The following IL1RAPL1 variants were observed in gnomAD, a reference collection of about 807,000 sequenced individuals.
IL1RAPL1 encodes the protein interleukin-1 receptor accessory protein-like 1.
A neutral mutation model predicts 48.4 loss-of-function variants in IL1RAPL1; 3 were observed. That is an observed-to-expected ratio of 0.06 (90% CI 0.03 to 0.16). The LOEUF is 0.16. Among genes scored for constraint, IL1RAPL1 ranks in the 10% least tolerant of loss-of-function variants. IL1RAPL1 has a pLI of 1.00. For synonymous variants in IL1RAPL1, 185 were observed against 187.7 expected (o/e 0.99, Z 0.12); for missense variants, 349 against 530.6 (o/e 0.66, Z 3.36).
chrX:28,929,219 T>C (rs749059019), intron 2 of IL1RAPL1, among the ~76,000 whole-genome samples: 2 of 112,350 alleles, frequency 1.8e-5, no homozygotes, highest in African/African-American at 6.4e-5. Context: ...CTGTACTGAA[T>C]ACTTAGGCAA....
At chrX:28,600,812 G>T (rs766980872) in intron 1 of IL1RAPL1, among the ~76,000 whole-genome samples, 27 of 111,609 alleles carry the variant, frequency 2.4e-4, no homozygotes, top group Non-Finnish European at 4.9e-4. Flanking sequence ...ATATATCCTA[G>T]AGTTCAATTT....
intron 5 of IL1RAPL1, among the ~76,000 whole-genome samples, chrX:29,457,213 T>C (rs1001303387): frequency 9.4e-6 from 1 of 106,790 alleles, no homozygotes; most frequent in African/African-American, 3.4e-5. Flanking sequence ...GTCCAAAGCA[T>C]GTGTTTCCTT....
chrX:29,505,887 G>A (rs1935321948), intron 5 of IL1RAPL1, among the ~76,000 whole-genome samples: 1 of 111,447 alleles, frequency 9.0e-6, no homozygotes. Context: ...GTCTTTTTAA[G>A]TAATTTTCTA....
intron 2 of IL1RAPL1, among the ~76,000 whole-genome samples, chrX:28,792,943 T>C (rs1936569888): frequency 1.0e-5 from 1 of 99,905 alleles, no homozygotes; most frequent in Non-Finnish European, 2.0e-5. Context: ...ACTTCAGATA[T>C]GTACAATATG....
In IL1RAPL1 at chrX:29,505,996, A is replaced by C. The variant is rs1373449943; in HGVS notation, c.703+106688A>C. Among the ~76,000 whole-genome samples, 3 of 111,973 alleles carry C rather than the reference A, an allele frequency of 2.7e-5. No individual in the cohort carries two copies. In the East Asian group the frequency reaches 8.4e-4, roughly 31 times the overall value. ...GCTCACTGATTCTTTCCTCTACTTG[A>C]TTCATTCTGCTCTTGAGAGCTTCTC... On this transcript the variant is annotated intron_variant, in intron 5 of 10. Coordinates refer to ENST00000378993, the MANE Select transcript of IL1RAPL1 (RefSeq NM_014271.4).
chrX:29,781,850 G>A (rs962165891), intron 6 of IL1RAPL1, among the ~76,000 whole-genome samples: 3 of 111,499 alleles, frequency 2.7e-5, no homozygotes, highest in Non-Finnish European at 5.7e-5. Context: ...TTGGGTCCAC[G>A]TTCTGTTCCA....
intron 2 of IL1RAPL1, among the ~76,000 whole-genome samples, chrX:29,222,847 T>C (rs186306698): frequency 3.1e-3 from 343 of 111,511 alleles, no homozygotes; most frequent in African/African-American, 0.011. Flanking sequence ...AGACCTAGAC[T>C]GAAAATCCAT....
At chrX:29,547,214 C>T (rs1366313716) in intron 5 of IL1RAPL1, among the ~76,000 whole-genome samples, 2 of 111,300 alleles carry the variant, frequency 1.8e-5, no homozygotes, top group Non-Finnish European at 3.8e-5. Context: ...TATATTTGTG[C>T]AGCTTTTAGC....
At chrX:29,406,202 A>T (rs980143187) in intron 5 of IL1RAPL1, among the ~76,000 whole-genome samples, 3 of 111,226 alleles carry the variant, frequency 2.7e-5, no homozygotes, top group Non-Finnish European at 3.8e-5. Flanking sequence ...ATCCTGGCTA[A>T]CATGGTGGAA....
chrX:29,201,321 AT>A (rs1440889815), intron 2 of IL1RAPL1, among the ~76,000 whole-genome samples: 3 of 111,734 alleles, frequency 2.7e-5, no homozygotes, highest in Non-Finnish European at 5.6e-5. Context: ...TTGAAATTAT[AT>A]TTTTTAAATT....
At chrX:29,735,855 T>C (rs990984232) in intron 6 of IL1RAPL1, among the ~76,000 whole-genome samples, 1 of 112,430 alleles carries the variant, frequency 8.9e-6, no homozygotes, top group African/African-American at 3.2e-5. Flanking sequence ...TTTCCCCCAA[T>C]GGAAAATCAG....
chrX:28,668,403 C>T (rs1320443864), intron 1 of IL1RAPL1, among the ~76,000 whole-genome samples: 1 of 111,892 alleles, frequency 8.9e-6, no homozygotes, highest in Non-Finnish European at 1.9e-5. Context: ...GTATTACAGG[C>T]ACACACCACC....
At chrX:29,570,539 T>C (rs183679496) in intron 5 of IL1RAPL1, among the ~76,000 whole-genome samples, 4 of 112,466 alleles carry the variant, frequency 3.6e-5, no homozygotes, top group Middle Eastern at 4.6e-3. Context: ...ATACCTTTTA[T>C]TGTAGCCTTA....
At chrX:29,410,907 A>C (rs1452534214) in intron 5 of IL1RAPL1, among the ~76,000 whole-genome samples, 1 of 111,273 alleles carries the variant, frequency 9.0e-6, no homozygotes, top group Non-Finnish European at 1.9e-5. Context: ...TTCTTTTGAC[A>C]CCTCCCATTT....
intron 5 of IL1RAPL1, among the ~76,000 whole-genome samples, chrX:29,454,791 G>A (rs1934719765): frequency 1.8e-5 from 2 of 109,274 alleles, no homozygotes; most frequent in South Asian, 3.9e-4. Context: ...CATGAAGCTC[G>A]CCTGTCTTCC....
At chrX:29,615,342 G>A (rs1602327564) in intron 5 of IL1RAPL1, among the ~76,000 whole-genome samples, 1 of 110,440 alleles carries the variant, frequency 9.1e-6, no homozygotes, top group East Asian at 2.8e-4. Context: ...AATATCCATT[G>A]CTTGTGAATC....
At chrX:29,100,371 G>A (rs1199901726) in intron 2 of IL1RAPL1, among the ~76,000 whole-genome samples, 5 of 111,621 alleles carry the variant, frequency 4.5e-5, no homozygotes, top group Admixed American at 2.9e-4. Flanking sequence ...AAACAGAAGA[G>A]CTGTAAAGAG....
intron 6 of IL1RAPL1, among the ~76,000 whole-genome samples, chrX:29,814,973 TG>T (rs1247307268): frequency 8.9e-6 from 1 of 111,848 alleles, no homozygotes; most frequent in Non-Finnish European, 1.9e-5. Flanking sequence ...GTGCCATTTT[TG>T]TTATTGTAGC....
intron 5 of IL1RAPL1, among the ~76,000 whole-genome samples, chrX:29,523,175 T>G (rs1379911018): frequency 2.7e-5 from 3 of 111,950 alleles, no homozygotes; most frequent in African/African-American, 9.7e-5. Flanking sequence ...ATGTGCTTTT[T>G]GGTTAACAGT....
Sources: gnomAD v4.1 joint callset for allele counts (sites outside exome capture counted in the v4.1 genomes callset) on GRCh38, gnomAD v4.1.1 for gene constraint, MANE v1.5 for transcripts, NCBI Gene and HGNC (gene_info 2026-07-23, HGNC 2026-07-21) for gene names.